The following REEP5 variants were observed in gnomAD, a reference collection of about 807,000 sequenced individuals.
REEP5 encodes receptor accessory protein 5, also known as receptor expression-enhancing protein 5.
REEP5 carries 24 observed loss-of-function variants against 22.4 expected under a neutral mutation model. The observed-to-expected ratio is 1.07, with a 90% CI of 0.78 to 1.51. The LOEUF (loss-of-function observed/expected upper bound fraction) is 1.51. REEP5 is among the 40% of genes most tolerant of loss of function. The probability of loss-of-function intolerance (pLI) is 0.00; values close to 1 mark genes in which losing one functional copy is unlikely to be tolerated. For synonymous variants in REEP5, 103 were observed against 88.6 expected (o/e 1.16, Z -0.92); for missense variants, 252 against 233.0 (o/e 1.08, Z -0.53).
chr5:112,886,604 C>T (rs1375368369), intron 4 of REEP5, among the ~76,000 whole-genome samples: 1 of 152,126 alleles, frequency 6.6e-6, no homozygotes, highest in Non-Finnish European at 1.5e-5. Flanking sequence ...TACGTAAATG[C>T]TTGATGGAAT....
chr5:112,883,896 C>G (rs913222892), intron 4 of REEP5, among the ~76,000 whole-genome samples: 1 of 152,156 alleles, frequency 6.6e-6, no homozygotes, highest in Non-Finnish European at 1.5e-5. Flanking sequence ...TCCTTAACCC[C>G]TCTGACCCAT....
intron 2 of REEP5, among the ~76,000 whole-genome samples, chr5:112,912,220 T>C (rs1051151160): frequency 4.6e-5 from 7 of 152,178 alleles, no homozygotes; most frequent in African/African-American, 1.7e-4. Flanking sequence ...ATACACATGC[T>C]TTTGGCTACT....
intron 3 of REEP5, among the ~76,000 whole-genome samples, chr5:112,890,352 G>T (rs1318239463): frequency 7.0e-6 from 1 of 142,220 alleles, no homozygotes; most frequent in Non-Finnish European, 1.5e-5. Flanking sequence ...ACAGAATAAA[G>T]AACACAAAAT....
In REEP5 at chr5:112,887,093, G is replaced by C. The variant is rs766641032; in HGVS notation, c.442C>G (p.His148Asp). Residue 148 changes from histidine (H) to aspartate (D), a missense_variant, in exon 4 of 5, where the codon CAC becomes GAC. Physicochemically the swap from His to Asp is moderately conservative, Grantham distance 81 (BLOSUM62 -1). Transcript: ENST00000379638. The part of the protein sequence containing the change: ...KRIIRPFFLK[H>D]ESQMDSVVKD... ...ACCACACTGTCCATCTGGGACTCGTGCTTCAGGAAGAAAGGACGGATGATG... is the reference window on the plus strand; with the variant it reads ...ACCACACTGTCCATCTGGGACTCGTCCTTCAGGAAGAAAGGACGGATGATG... 6.2e-7 allele frequency: 1 copy of C among 1,613,726 alleles called. No individual in the cohort carries two copies. Among genetic ancestry groups the C allele is most frequent in the South Asian group, 1.1e-5 (1 of 91,068 alleles).
chr5:112,904,729 T>G (rs549090001), intron 2 of REEP5, among the ~76,000 whole-genome samples: 1 of 152,330 alleles, frequency 6.6e-6, no homozygotes, highest in East Asian at 1.9e-4. Flanking sequence ...GAAACCATTC[T>G]GATATTTTAA....
intron 2 of REEP5, among the ~76,000 whole-genome samples, chr5:112,905,539 TCAAAAAAAAAACAAAA>T (rs1171530690): frequency 1.4e-5 from 2 of 144,540 alleles, no homozygotes; most frequent in South Asian, 2.2e-4. Context: ...AGACTCGGTC[TCAAAAAAAAAACAAAA>T]CAAAAAAAAA....
At chr5:112,884,541 C>G (rs1768173419) in intron 4 of REEP5, among the ~76,000 whole-genome samples, 1 of 151,998 alleles carries the variant, frequency 6.6e-6, no homozygotes, top group Admixed American at 6.6e-5. Flanking sequence ...CAACGTCCGG[C>G]TAATTTTTAA....
At chr5:112,889,791 G>A (rs144345260) in intron 3 of REEP5, among the ~76,000 whole-genome samples, 23 of 148,928 alleles carry the variant, frequency 1.5e-4, no homozygotes, top group Non-Finnish European at 3.1e-4. Context: ...AGACTAGCCT[G>A]TGTAACATAG....
At chr5:112,918,889 C>A (rs1222178399) in intron 2 of REEP5, among the ~76,000 whole-genome samples, 4 of 152,296 alleles carry the variant, frequency 2.6e-5, no homozygotes, top group Middle Eastern at 3.4e-3. Flanking sequence ...CAGGTCTTCT[C>A]TACCAGAACT....
intron 1 of REEP5, chr5:112,921,793 G>C: frequency 3.3e-6 from 1 of 304,186 alleles, no homozygotes; most frequent in Non-Finnish European, 6.1e-6. Context: ...ATAGGGCGCC[G>C]GGCCGCGGGG....
At chr5:112,921,295 A>G in intron 1 of REEP5, 39 bp from the exon 2 acceptor site, 1 of 1,599,942 alleles carries the variant, frequency 6.3e-7, no homozygotes, top group Non-Finnish European at 8.6e-7. Context: ...GGGCAGCATG[A>G]GAGCCGTTCA....
chr5:112,878,834 C>G lies in REEP5; in HGVS notation c.522G>C (p.Ala174=), dbSNP rs553914342. 256 of 1,613,950 alleles carry G rather than the reference C, an allele frequency of 1.6e-4. 3 individuals are homozygous for G. In the South Asian group the frequency reaches 2.7e-3, roughly 17 times the overall value. The change falls in exon 5 of 5, where the codon GCG becomes GCC. Residue 174 remains alanine, a splice_region_variant and synonymous_variant. Coordinates refer to ENST00000379638, the MANE Select transcript of REEP5 (RefSeq NM_005669.5). ...KETADAITKE[A]KKATVNLLGE... is the part of the protein sequence containing the mutation. Reference sequence around the variant, plus strand: ...CCAGTAAATTCACGGTAGCTTTCTTCGCTGTTTGTTTGTTAGGAGGGAAAG... The same window carrying G: ...CCAGTAAATTCACGGTAGCTTTCTTGGCTGTTTGTTTGTTAGGAGGGAAAG...
At chr5:112,917,194 G>T (rs1372751103) in intron 2 of REEP5, among the ~76,000 whole-genome samples, 1 of 152,230 alleles carries the variant, frequency 6.6e-6, no homozygotes, top group Non-Finnish European at 1.5e-5. Flanking sequence ...TGAGATTACA[G>T]ATGTGGGCCA....
intron 4 of REEP5, among the ~76,000 whole-genome samples, chr5:112,881,676 C>G (rs549387570): frequency 7.1e-4 from 108 of 152,314 alleles, no homozygotes; most frequent in Non-Finnish European, 1.3e-3. Context: ...GTAGCCTTCC[C>G]TTTCCCTGTC....
Position 112,877,358 on chromosome 5 carries a change from T to C in REEP5, c.*1428A>G, listed in dbSNP as rs1767929333. Reference sequence around the variant, plus strand: ...ATATTTAATCTTGTTAGTTTAGTTATACACTTGTTTTAGTCGAGTTTAATT... The same window carrying C: ...ATATTTAATCTTGTTAGTTTAGTTACACACTTGTTTTAGTCGAGTTTAATT... On this transcript the variant is annotated 3_prime_UTR_variant, in exon 5 of 5. Coordinates refer to ENST00000379638, the MANE Select transcript of REEP5 (RefSeq NM_005669.5). 1 of 152,250 alleles carries C rather than the reference T, an allele frequency of 6.6e-6. No homozygotes were observed. The highest frequency in any genetic ancestry group is 1.9e-4 in the East Asian group (1 of 5,202). 9.4% of individuals were successfully genotyped at this position (152,250 alleles called of 1,614,324 possible).
intron 3 of REEP5, among the ~76,000 whole-genome samples, chr5:112,891,052 A>T (rs915137016): frequency 6.6e-6 from 1 of 150,574 alleles, no homozygotes; most frequent in Non-Finnish European, 1.5e-5. Flanking sequence ...CTAGAACCAA[A>T]AATATTTAAG....
rs1767929383 is a variant in REEP5 at position 112,877,360 on chromosome 5, C to T, written c.*1426G>A. 6.6e-6 allele frequency: 1 copy of T among 152,122 alleles called. No individual in the cohort carries two copies. Among genetic ancestry groups the T allele is most frequent in the African/African-American group, 2.4e-5 (1 of 41,418 alleles). 9.4% of individuals were successfully genotyped at this position (152,122 alleles called of 1,614,324 possible). On this transcript the variant is annotated 3_prime_UTR_variant, in exon 5 of 5. Transcript: ENST00000379638. ...ATTTAATCTTGTTAGTTTAGTTATA[C>T]ACTTGTTTTAGTCGAGTTTAATTCA... is the stretch of plus-strand genomic sequence containing the variant.
At position 112,921,285 on chromosome 5, in the gene REEP5, G is replaced by A. The variant is rs555361006; in HGVS notation, c.119-29C>T. ...GGGACCACAAGGAGAGAAGTGGGTCGGGCAGCATGAGAGCCGTTCACGCGG... is the reference window on the plus strand; with the variant it reads ...GGGACCACAAGGAGAGAAGTGGGTCAGGCAGCATGAGAGCCGTTCACGCGG... On this transcript the variant is annotated intron_variant, in intron 1 of 4. Transcript: ENST00000379638. 9.3e-6 allele frequency: 15 copies of A among 1,608,566 alleles called. No homozygotes were observed. In the South Asian group the frequency reaches 1.2e-4, roughly 13 times the overall value.
At chr5:112,891,534 A>G (rs1768447229) in intron 3 of REEP5, 1 of 1,477,422 alleles carries the variant, frequency 6.8e-7, no homozygotes, top group African/African-American at 1.4e-5. Flanking sequence ...ACTAGAAAAC[A>G]TAAAATATTC....
Sources: allele counts gnomAD v4.1 joint callset (sites outside exome capture counted in the v4.1 genomes callset), GRCh38; gene constraint gnomAD v4.1.1; transcripts MANE v1.5; gene names NCBI Gene and HGNC (gene_info 2026-07-23, HGNC 2026-07-21).